Variants in ARHGAP40 observed in about 807,000 individuals in gnomAD.
ARHGAP40 encodes the protein rho GTPase-activating protein 40.
In ARHGAP40, 43 loss-of-function variants were observed where a neutral mutation model predicts 73.5. That is an observed-to-expected ratio of 0.58 (90% confidence interval 0.46 to 0.75). The LOEUF is 0.75. ARHGAP40 is among the 30% of genes least tolerant of loss of function. ARHGAP40 has a pLI of 0.00. For missense variants in ARHGAP40, 734 were observed against 861.8 expected (o/e 0.85, Z 1.86); for synonymous variants, 300 against 352.8 (o/e 0.85, Z 1.68).
At chr20:38,643,905 T>C (rs2089035579) in exon 11 of ARHGAP40, 1 of 1,299,150 alleles carries the variant, frequency 7.7e-7, no homozygotes, top group Non-Finnish European at 1.0e-6. Context: ...GGATCTGCTG[T>C]GGACGGTGAG....
intron 6 of ARHGAP40, among the ~76,000 whole-genome samples, chr20:38,636,902 CA>C (rs1283091498): frequency 4.6e-5 from 7 of 151,798 alleles, no homozygotes; most frequent in Admixed American, 2.6e-4. Context: ...AAAAAAAGAC[CA>C]GGGGGAGGAA....
chr20:38,635,139 C>G (rs956632216), intron 6 of ARHGAP40, among the ~76,000 whole-genome samples: 1 of 152,106 alleles, frequency 6.6e-6, no homozygotes, highest in Non-Finnish European at 1.5e-5. Context: ...CTCAGCCTCC[C>G]AAAGTGCTGG....
chr20:38,603,596 G>GTC (rs758561333), intron 1 of ARHGAP40, among the ~76,000 whole-genome samples: 3 of 149,490 alleles, frequency 2.0e-5, no homozygotes, highest in Admixed American at 6.6e-5. Flanking sequence ...CTCTCTCTCT[G>GTC]TCTCTCTCTC....
rs2089051123 is a variant in ARHGAP40 at position 38,646,122 on chromosome 20, G to T, written c.1645G>T (p.Gly549Cys). 1 of 1,304,128 alleles carries T rather than the reference G, an allele frequency of 7.7e-7. No individual in the cohort carries two copies. The highest frequency in any genetic ancestry group is 1.5e-5 in the African/African-American group (1 of 65,886). The allele number at this position is 1,304,128 out of a possible 1,614,324, so 80.8% of individuals were successfully genotyped here. The change falls in exon 12 of 15, where the codon GGC (glycine) becomes TGC (cysteine). Residue 549 changes from glycine to cysteine, a missense_variant. Physicochemically the swap from Gly to Cys is radical, Grantham distance 159. Coordinates refer to ENST00000373345, the Ensembl canonical transcript of ARHGAP40. This position sits in a 1 kb window ranked among gnomAD's most constrained non-coding sequence, Gnocchi z 4.5. ...CAGGCGCCCCCAGCTCTGCGACGCAGGCCTCAAGACTTGGCTGCGGAGGAT... is the reference window on the plus strand; with the variant it reads ...CAGGCGCCCCCAGCTCTGCGACGCATGCCTCAAGACTTGGCTGCGGAGGAT...
Position 38,643,027 on chromosome 20 carries a change from G to A in ARHGAP40, c.1363-677G>A, listed in dbSNP as rs553849251. Among the ~76,000 whole-genome samples the A allele has an allele frequency of 4.6e-5, 7 of 152,166 alleles. No homozygotes were observed. In the South Asian group the frequency reaches 1.5e-3, roughly 32 times the overall value. ...GTGATGGTGCACACTTGTAATCCCAGCTACTTGGGAGGCTGAGGTGGGAGG... is the reference window on the plus strand; with the variant it reads ...GTGATGGTGCACACTTGTAATCCCAACTACTTGGGAGGCTGAGGTGGGAGG... On this transcript the variant is annotated intron_variant, in intron 10 of 14. Transcript: ENST00000373345.
chr20:38,602,117 A>C (rs2088738920), intron 1 of ARHGAP40, 38 bp downstream of exon 1: 4 of 1,259,776 alleles, frequency 3.2e-6, no homozygotes, highest in Non-Finnish European at 3.1e-6. Context: ...AGTTGGCCCT[A>C]CTATGCACCA....
rs117670556 is a variant in ARHGAP40 at position 38,629,946 on chromosome 20, A to G, written c.783+296A>G. Among the ~76,000 whole-genome samples, 848 of 152,040 alleles carry G rather than the reference A, an allele frequency of 5.6e-3. 3 individuals are homozygous for G. The highest frequency in any genetic ancestry group is 0.025 in the South Asian group (118 of 4,798). ...TAACTGTCCATCAACATGTTTTTCT[A>G]GTTACTTTTAAAATTAATTTTAGTG... is the stretch of plus-strand genomic sequence containing the variant. On this transcript the variant is annotated intron_variant, in intron 5 of 14. Transcript: ENST00000373345.
rs199586717 is a variant in ARHGAP40 at position 38,636,259 on chromosome 20, TA to T, written c.950-1448del. Among the ~76,000 whole-genome samples the T allele has an allele frequency of 3.3e-3, 507 of 151,486 alleles. 3 individuals carry two copies. The highest frequency in any genetic ancestry group is 0.012 in the African/African-American group (480 of 41,224). On this transcript the variant is annotated intron_variant, in intron 6 of 14. Transcript: ENST00000373345. ...ATTCCTTGAAAACATGATTTTTATT[TA>T]TTTATTTTTTTTTTTTTTTGAGAGA...
chr20:38,614,725 C>G (rs550355243), intron 1 of ARHGAP40, among the ~76,000 whole-genome samples: 1 of 152,134 alleles, frequency 6.6e-6, no homozygotes, highest in Non-Finnish European at 1.5e-5. Flanking sequence ...GAAGAATGTC[C>G]CAGGGAGCTA....
At chr20:38,611,664 C>T (rs971325924) in intron 1 of ARHGAP40, among the ~76,000 whole-genome samples, 2 of 151,916 alleles carry the variant, frequency 1.3e-5, no homozygotes, top group African/African-American at 4.8e-5. Context: ...TGCAAGCTCC[C>T]GGGTTCACGC....
chr20:38,634,818 G>A (rs952756429), intron 6 of ARHGAP40, 33 bp downstream of exon 6: 1 of 1,241,868 alleles, frequency 8.1e-7, no homozygotes, highest in Admixed American at 2.9e-5. Context: ...AAGCCCTGTG[G>A]CCACAGTCCT....
At chr20:38,616,341 A>G (rs555812223) in intron 1 of ARHGAP40, among the ~76,000 whole-genome samples, 1 of 152,172 alleles carries the variant, frequency 6.6e-6, no homozygotes, top group African/African-American at 2.4e-5. Context: ...TCATTACCCA[A>G]CAACAATTAT....
At chr20:38,606,518 T>C (rs985126716) in intron 1 of ARHGAP40, among the ~76,000 whole-genome samples, 4 of 152,204 alleles carry the variant, frequency 2.6e-5, no homozygotes, top group Admixed American at 1.3e-4. Context: ...GCTAATTGGA[T>C]TGGGAGAAAC....
chr20:38,624,756 C>A (rs1194461684), intron 2 of ARHGAP40, among the ~76,000 whole-genome samples: 4 of 152,198 alleles, frequency 2.6e-5, no homozygotes, highest in Non-Finnish European at 5.9e-5. Context: ...GAGAGGTCTT[C>A]ACCAGCTTCC....
intron 1 of ARHGAP40, among the ~76,000 whole-genome samples, chr20:38,617,403 G>A (rs897652956): frequency 1.3e-5 from 2 of 152,134 alleles, no homozygotes; most frequent in Non-Finnish European, 2.9e-5. Flanking sequence ...CACGGGCAAG[G>A]GTCTCGCTAA....
chr20:38,631,148 C>T (rs554682932), intron 5 of ARHGAP40, among the ~76,000 whole-genome samples: 12 of 152,038 alleles, frequency 7.9e-5, no homozygotes, highest in Non-Finnish European at 1.0e-4. Context: ...CCCATCTCTA[C>T]AAAAAATTTT....
At chr20:38,615,503 TCA>T (rs1188246420) in intron 1 of ARHGAP40, 1 of 655,608 alleles carries the variant, frequency 1.5e-6, no homozygotes, top group East Asian at 3.2e-5. Flanking sequence ...AGCTCGGGCC[TCA>T]CAGTCTCCTT....
At chr20:38,627,832 G>A (rs1183119045) in intron 3 of ARHGAP40, among the ~76,000 whole-genome samples, 2 of 152,156 alleles carry the variant, frequency 1.3e-5, no homozygotes, top group African/African-American at 2.4e-5. Flanking sequence ...TGTGTCCTTG[G>A]GTGAGCCTGA....
chr20:38,622,614 G>C (rs533554325), intron 1 of ARHGAP40, among the ~76,000 whole-genome samples: 24 of 152,204 alleles, frequency 1.6e-4, no homozygotes, highest in African/African-American at 5.8e-4. Context: ...GGGCTCTAGG[G>C]GTAAACCACA....
Sources: gnomAD v4.1 joint callset for allele counts (sites outside exome capture counted in the v4.1 genomes callset) on GRCh38, gnomAD v4.1.1 for gene constraint, Gnocchi (gnomAD v3.1) non-coding constraint, MANE v1.5 for transcripts, NCBI Gene and HGNC (gene_info 2026-07-23, HGNC 2026-07-21) for gene names.